The following SPEF2 variants were observed in gnomAD, a reference collection of about 807,000 sequenced individuals.
SPEF2 encodes the protein sperm flagella and cilia-associated protein 2.
Under a neutral mutation model 224.6 loss-of-function variants are expected in SPEF2, and 187 were observed. The observed-to-expected ratio is 0.83, with a 90% CI of 0.74 to 0.94. The LOEUF is 0.94. Ranked by LOEUF, SPEF2 falls within the 40% of genes least tolerant of loss-of-function variation. The probability of loss-of-function intolerance (pLI) is 0.00; values close to 1 mark genes in which losing one functional copy is unlikely to be tolerated. For missense variants in SPEF2, 2,170 were observed against 2,135.6 expected (o/e 1.02, Z -0.32); for synonymous variants, 715 against 707.3 (o/e 1.01, Z -0.17).
intron 20 of SPEF2, among the ~76,000 whole-genome samples, chr5:35,713,788 G>GTATTATATATTT (rs1741759129): frequency 1.5e-3 from 39 of 25,908 alleles, no homozygotes; most frequent in Non-Finnish European, 1.8e-3. Context: ...ATTATATATA[G>GTATTATATATTT]TGTTATATAT....
intron 30 of SPEF2, among the ~76,000 whole-genome samples, chr5:35,782,776 CAT>C (rs200208034): frequency 0.026 from 3,910 of 152,126 alleles, 180 homozygotes; most frequent in African/African-American, 0.09. Flanking sequence ...CTAAAGATAA[CAT>C]AAAATTGAAA....
At position 35,799,950 on chromosome 5, in the gene SPEF2, A is replaced by G. The variant is rs1182774669; in HGVS notation, c.4831-18A>G. ...GAGAGTGCACCCATTTTATCTTTGG[A>G]ATTCTTTTTGTGTGCAGTTTTTCTT... is the stretch of plus-strand genomic sequence containing the variant. On this transcript the variant is annotated intron_variant, in intron 33 of 36. Coordinates refer to ENST00000356031, the MANE Select transcript of SPEF2 (RefSeq NM_024867.4). 1 of 1,613,198 alleles carries G rather than the reference A, an allele frequency of 6.2e-7. No homozygotes were observed. The highest frequency in any genetic ancestry group is 8.5e-7 in the Non-Finnish European group (1 of 1,179,450).
At position 35,697,599 on chromosome 5, in the gene SPEF2, A is replaced by G. The variant is rs1044065371; in HGVS notation, c.2038-91A>G. The G allele has an allele frequency of 3.1e-5, 30 of 975,600 alleles. 1 individual carries two copies. The Admixed American group carries it at 3.2e-4, about 10-fold the overall frequency. The allele number at this position is 975,600 out of a possible 1,614,324, so 60.4% of individuals were successfully genotyped here. A position where few individuals can be genotyped will look rare whatever the true frequency, so the allele number is the denominator to read the frequency against. ...CACATGATCAGTGTCATCATCAGAG[A>G]GCCTGGTCATTTAATTAACTTTTCC... On this transcript the variant is annotated intron_variant, in intron 14 of 36. Coordinates refer to ENST00000356031, the MANE Select transcript of SPEF2 (RefSeq NM_024867.4).
intron 18 of SPEF2, 48 bp from the exon 19 acceptor site, chr5:35,708,900 G>T: frequency 6.7e-7 from 1 of 1,497,874 alleles, no homozygotes; most frequent in East Asian, 2.3e-5. Context: ...TGAAATAGTA[G>T]ATTTCTAGAG....
chr5:35,635,083 G>A (rs1000444203), intron 2 of SPEF2, among the ~76,000 whole-genome samples: 4 of 151,932 alleles, frequency 2.6e-5, no homozygotes, highest in Non-Finnish European at 5.9e-5. Context: ...TGATTAGAGT[G>A]GATGTATGTG....
intron 35 of SPEF2, 62 bp from the exon 36 acceptor site, chr5:35,807,068 CA>C: frequency 1.9e-6 from 3 of 1,568,356 alleles, no homozygotes; most frequent in South Asian, 1.2e-5. Flanking sequence ...TAAATACAAC[CA>C]TTTTTTTTAA....
Position 35,700,766 on chromosome 5 carries a change from C to T in SPEF2, c.2398+14C>T, listed in dbSNP as rs1368358661. 3 of 1,610,626 alleles carry T rather than the reference C, an allele frequency of 1.9e-6. No individual in the cohort carries two copies. The highest frequency in any genetic ancestry group is 2.5e-6 in the Non-Finnish European group (3 of 1,177,966). On this transcript the variant is annotated intron_variant, in intron 16 of 36. Transcript: ENST00000356031. ...ATGATATTATAGGTAAGCTGGACAC[C>T]TTTTTTGACACTCTTTTTACAATGA...
chr5:35,798,202 C>G (rs6895099), intron 33 of SPEF2, among the ~76,000 whole-genome samples: 49,436 of 151,980 alleles, frequency 0.33, 8,215 homozygotes, highest in African/African-American at 0.39. Context: ...ATCACAGCAT[C>G]CCCCGCTCAA....
Position 35,739,976 on chromosome 5 carries a change from A to G in SPEF2, c.3121A>G (p.Thr1041Ala), listed in dbSNP as rs1217940273. Residue 1041 changes from threonine to alanine, a missense_variant, in exon 22 of 37, where the codon ACC becomes GCC. Thr to Ala is a moderately conservative substitution (Grantham distance 58, BLOSUM62 0). Coordinates refer to ENST00000356031, the MANE Select transcript of SPEF2 (RefSeq NM_024867.4). ...ACTAATAGAAAATTCCTATATAAAC[A>G]CCATCAAAACAGTACTCAGGCATCT... ...WELIENSYIN[T>A]IKTVLRHLRE... 1 of 1,614,128 alleles carries G rather than the reference A, an allele frequency of 6.2e-7. No homozygotes were observed. Among genetic ancestry groups the G allele is most frequent in the South Asian group, 1.1e-5 (1 of 91,082 alleles).
At chr5:35,645,001 C>A (rs1015530839) in intron 4 of SPEF2, among the ~76,000 whole-genome samples, 3 of 152,156 alleles carry the variant, frequency 2.0e-5, no homozygotes, top group African/African-American at 7.2e-5. Context: ...TTTTCAATCA[C>A]CTTGAACAAC....
At chr5:35,694,455 A>G (rs1755001250) in intron 13 of SPEF2, 92 bp downstream of exon 13, 2 of 1,163,770 alleles carry the variant, frequency 1.7e-6, no homozygotes, top group Non-Finnish European at 2.5e-6. Context: ...TTTCAGGGAA[A>G]TAAACGGGAA....
At chr5:35,654,819 G>A (rs1748736587) in intron 7 of SPEF2, 93 bp downstream of exon 7, 1 of 1,097,176 alleles carries the variant, frequency 9.1e-7, no homozygotes, top group Admixed American at 2.7e-5. Flanking sequence ...TATATGTATT[G>A]TCTGCTACTC....
intron 11 of SPEF2, among the ~76,000 whole-genome samples, chr5:35,691,529 T>C (rs1350117387): frequency 2.6e-5 from 4 of 152,212 alleles, no homozygotes; most frequent in African/African-American, 9.6e-5. Context: ...ATGAGCCCAT[T>C]TGTATGAAAT....
intron 8 of SPEF2, among the ~76,000 whole-genome samples, chr5:35,665,207 T>C (rs1171691624): frequency 1.3e-5 from 2 of 152,158 alleles, no homozygotes; most frequent in Non-Finnish European, 2.9e-5. Context: ...CTCAGTGGTG[T>C]AGCAGGGAGC....
intron 2 of SPEF2, among the ~76,000 whole-genome samples, chr5:35,630,367 C>G (rs1744911331): frequency 6.6e-6 from 1 of 152,176 alleles, no homozygotes; most frequent in Non-Finnish European, 1.5e-5. Context: ...CAGAGGTTCT[C>G]CATGAGGGCT....
chr5:35,712,675 A>G (rs1561244145), intron 19 of SPEF2, 137 bp from the exon 20 acceptor site: 1 of 750,138 alleles, frequency 1.3e-6, no homozygotes, highest in Non-Finnish European at 2.2e-6. Flanking sequence ...AACTCAAAGT[A>G]AAAACCTGAG....
rs12332369 is a variant in SPEF2, at chr5:35,694,352, A to G, written c.1964A>G (p.Glu655Gly). ...GAAGTATTACCAGAAACAGAAGGTG[A>G]AACAATGCTTAGTAAGATCTCAAAA... ...SDEVLPETEG[E>G]TMLSANADKT... Residue 655 changes from glutamate (E) to glycine (G), a missense_variant, in exon 13 of 37, where the codon GAA becomes GGA. Physicochemically the swap from Glu to Gly is moderately conservative, Grantham distance 98 (BLOSUM62 -2). Coordinates refer to ENST00000356031, the MANE Select transcript of SPEF2 (RefSeq NM_024867.4). The G allele has an allele frequency of 3.6e-3, 5,870 of 1,612,480 alleles. 214 individuals are homozygous for G. The African/African-American group carries it at 0.072, about 20-fold the overall frequency.
intron 16 of SPEF2, 58 bp from the exon 17 acceptor site, chr5:35,704,496 C>G (rs182351967): frequency 9.1e-7 from 1 of 1,094,266 alleles, no homozygotes; most frequent in Non-Finnish European, 1.4e-6. Context: ...TATATTTTAG[C>G]AGTAAGTAGC....
chr5:35,806,985 C>G lies in SPEF2; in HGVS notation c.5256+33C>G, dbSNP rs1758148055. 4 of 1,574,878 alleles carry G rather than the reference C, an allele frequency of 2.5e-6. No homozygotes were observed. In the East Asian group the frequency reaches 9.0e-5, roughly 35 times the overall value. On this transcript the variant is annotated intron_variant, in intron 35 of 36. Coordinates refer to ENST00000356031, the MANE Select transcript of SPEF2 (RefSeq NM_024867.4). ...AAATTATTTTGAAAAAAGTTGGCCT[C>G]AATTCTGAGCATATTTTTATGGAAT...
Sources: gnomAD v4.1 joint callset for allele counts (sites outside exome capture counted in the v4.1 genomes callset) on GRCh38, gnomAD v4.1.1 for gene constraint, MANE v1.5 for transcripts, NCBI Gene and HGNC (gene_info 2026-07-23, HGNC 2026-07-21) for gene names.